Variants in CACNA1D observed in about 807,000 individuals in gnomAD.
CACNA1D encodes calcium voltage-gated channel subunit alpha1 D, also known as voltage-dependent L-type calcium channel subunit alpha-1D.
In CACNA1D, 55 loss-of-function variants were observed where a neutral mutation model predicts 257.1. The ratio of observed to expected loss-of-function variants is 0.21; its 90% CI spans 0.17 to 0.27. The LOEUF (loss-of-function observed/expected upper bound fraction) is 0.27. Ranked by LOEUF, CACNA1D falls within the 10% of genes least tolerant of loss-of-function variation. The pLI is 1.00. For missense variants in CACNA1D, 1,876 were observed against 2,784.0 expected (o/e 0.67, Z 7.34); for synonymous variants, 980 against 1,014.9 (o/e 0.97, Z 0.65).
At chr3:53,534,774 T>C (rs2092062747) in intron 3 of CACNA1D, among the ~76,000 whole-genome samples, 1 of 152,234 alleles carries the variant, frequency 6.6e-6, no homozygotes, top group African/African-American at 2.4e-5. Flanking sequence ...ATATGTAATG[T>C]GTTTATTTTA....
At chr3:53,633,633 G>A (rs2093847880) in intron 3 of CACNA1D, among the ~76,000 whole-genome samples, 1 of 152,148 alleles carries the variant, frequency 6.6e-6, no homozygotes, top group Non-Finnish European at 1.5e-5. Context: ...GCCTCCTCCT[G>A]ATTTCCTGGA....
chr3:53,677,909 G>A (rs991218981), intron 8 of CACNA1D, among the ~76,000 whole-genome samples: 2 of 152,168 alleles, frequency 1.3e-5, no homozygotes, highest in Non-Finnish European at 2.9e-5. Context: ...GTGAAATGGA[G>A]CTCATCACAG....
Position 53,732,079 on chromosome 3 carries a change from C to G in CACNA1D, c.2470C>G (p.Pro824Ala). 6.2e-7 allele frequency: 1 copy of G among 1,610,006 alleles called. No homozygotes were observed. The highest frequency in any genetic ancestry group is 8.5e-7 in the Non-Finnish European group (1 of 1,176,210). The change falls in exon 18 of 48, where the codon CCA becomes GCA. Residue 824 changes from proline to alanine, a missense_variant. By Grantham distance (27) the Pro-to-Ala change is conservative (BLOSUM62 -1). This residue lies in a region of CACNA1D where 78 missense variants were observed against 69.2 expected (regional missense o/e 1.13). Transcript: ENST00000350061. The stretch of plus-strand genomic sequence containing the variant: ...GGACCCCTATCCGCCTTGCGATGTG[C>G]CAGGTATGGTGGCGGAGGCCGGAGA... Reference protein sequence around the residue: ...DKDPYPPCDVPVGEEEEEEEE... With the variant: ...DKDPYPPCDVAVGEEEEEEEE...
At chr3:53,663,237 T>C (rs1216437374) in intron 5 of CACNA1D, among the ~76,000 whole-genome samples, 1 of 152,242 alleles carries the variant, frequency 6.6e-6, no homozygotes, top group Non-Finnish European at 1.5e-5. Flanking sequence ...TTGCTTGCTG[T>C]ATTCTGGTTT....
intron 19 of CACNA1D, among the ~76,000 whole-genome samples, chr3:53,734,846 G>C (rs2095042149): frequency 1.3e-5 from 2 of 152,166 alleles, no homozygotes; most frequent in African/African-American, 2.4e-5. Context: ...TGAAGTCTCA[G>C]TTACTGCAGG....
intron 3 of CACNA1D, among the ~76,000 whole-genome samples, chr3:53,629,989 C>A (rs1228693701): frequency 6.6e-6 from 1 of 152,158 alleles, no homozygotes; most frequent in African/African-American, 2.4e-5. Context: ...ACAAAGTAAG[C>A]CCTGATGACT....
At position 53,547,243 on chromosome 3, in the gene CACNA1D, C is replaced by G. The variant is rs79507842; in HGVS notation, c.483+45523C>G. Among the ~76,000 whole-genome samples the G allele has an allele frequency of 4.3e-3, 660 of 152,244 alleles. 3 individuals carry two copies. Among genetic ancestry groups the G allele is most frequent in the African/African-American group, 0.015 (625 of 41,532 alleles). ...GTTGTGGTCCTAAGTGCTCCCCTGCCTTTGCCTGCTTGCCCCCCATTCATT... is the reference window on the plus strand; with the variant it reads ...GTTGTGGTCCTAAGTGCTCCCCTGCGTTTGCCTGCTTGCCCCCCATTCATT... On this transcript the variant is annotated intron_variant, in intron 3 of 47. Coordinates refer to ENST00000350061, the MANE Select transcript of CACNA1D (RefSeq NM_001128840.3).
At chr3:53,767,401 C>G (rs1006173144) in intron 30 of CACNA1D, among the ~76,000 whole-genome samples, 2 of 152,034 alleles carry the variant, frequency 1.3e-5, no homozygotes, top group African/African-American at 2.4e-5. Context: ...CTCATCTCTA[C>G]TGAAAATACA....
chr3:53,498,278 G>C (rs1467781575), intron 2 of CACNA1D, among the ~76,000 whole-genome samples: 1 of 152,154 alleles, frequency 6.6e-6, no homozygotes, highest in Non-Finnish European at 1.5e-5. Flanking sequence ...ACATTTCTGG[G>C]TGTCTCCTTT....
chr3:53,718,498 T>C, intron 10 of CACNA1D, 110 bp downstream of exon 10: 2 of 1,044,240 alleles, frequency 1.9e-6, no homozygotes, highest in Non-Finnish European at 1.5e-6. Flanking sequence ...GCCTTGGGTG[T>C]GGCGGGTGGG....
At chr3:53,712,783 C>T in intron 9 of CACNA1D, among the ~76,000 whole-genome samples, 1 of 152,152 alleles carries the variant, frequency 6.6e-6, no homozygotes, top group South Asian at 2.1e-4. Context: ...AAATAAATTC[C>T]TGAGTGTGCA....
At chr3:53,668,833 A>G (rs2094294974) in intron 7 of CACNA1D, among the ~76,000 whole-genome samples, 1 of 152,104 alleles carries the variant, frequency 6.6e-6, no homozygotes, top group African/African-American at 2.4e-5. Context: ...TCATTTATGG[A>G]CCCTGGAATT....
chr3:53,774,629 A>G lies in CACNA1D; in HGVS notation c.4153A>G (p.Arg1385Gly). The G allele has an allele frequency of 1.2e-6, 2 of 1,612,916 alleles. No homozygotes were observed. The highest frequency in any genetic ancestry group is 1.7e-6 in the Non-Finnish European group (2 of 1,178,850). ...CATGAGAGATAACAACCAGATCAATAGGAACAATAACTTCCAGACGTTTCC... is the reference window on the plus strand; with the variant it reads ...CATGAGAGATAACAACCAGATCAATGGGAACAATAACTTCCAGACGTTTCC... ...VAMRDNNQIN[R>G]NNNFQTFPQA... The change falls in exon 34 of 48, where the codon AGG becomes GGG. Residue 1385 changes from arginine to glycine, a missense_variant. This residue lies in a region of CACNA1D where 204 missense variants were observed against 309.4 expected (regional missense o/e 0.66). Transcript: ENST00000350061. This position sits in a 1 kb window ranked among gnomAD's most constrained non-coding sequence, Gnocchi z 4.3.
intron 3 of CACNA1D, among the ~76,000 whole-genome samples, chr3:53,503,230 C>A (rs1158647346): frequency 6.6e-6 from 1 of 152,114 alleles, no homozygotes; most frequent in Non-Finnish European, 1.5e-5. Context: ...AAATGGGAGT[C>A]GGATAACCAC....
intron 43 of CACNA1D, among the ~76,000 whole-genome samples, chr3:53,803,095 C>T: frequency 6.6e-6 from 1 of 152,144 alleles, no homozygotes; most frequent in Non-Finnish European, 1.5e-5. Context: ...AACCCAGGGT[C>T]TTTTTCCCTA....
chr3:53,671,267 G>A lies in CACNA1D; in HGVS notation c.1117-1756G>A, dbSNP rs184357970. On this transcript the variant is annotated intron_variant, in intron 7 of 47. Transcript: ENST00000350061. The stretch of plus-strand genomic sequence containing the variant: ...TGAAGCAGATGGCTCAGCAGATGAC[G>A]GTTGCTAGGGTCATGGAAGAGTGAG... 6.5e-4 allele frequency among the ~76,000 whole-genome samples: 99 copies of A among 152,282 alleles called. 1 individual carries two copies. In the South Asian group the frequency reaches 0.018, roughly 28 times the overall value.
intron 8 of CACNA1D, among the ~76,000 whole-genome samples, chr3:53,695,896 A>G (rs376332913): frequency 6.6e-6 from 1 of 152,122 alleles, no homozygotes; most frequent in African/African-American, 2.4e-5. Context: ...GAAGCAATCC[A>G]GGTTCCTTAG....
intron 10 of CACNA1D, 163 bp downstream of exon 10, chr3:53,718,551 G>A: frequency 9.6e-7 from 1 of 1,046,390 alleles, no homozygotes; most frequent in East Asian, 2.6e-5. Flanking sequence ...CTGTGCCAGG[G>A]CTATCCCTCC....
At chr3:53,766,528 CAG>C (rs2095333386) in intron 30 of CACNA1D, among the ~76,000 whole-genome samples, 1 of 152,216 alleles carries the variant, frequency 6.6e-6, no homozygotes, top group Admixed American at 6.5e-5. Flanking sequence ...GAAATTAAAA[CAG>C]AAAATGAAAT....
Sources: gnomAD v4.1 joint callset for allele counts (sites outside exome capture counted in the v4.1 genomes callset) on GRCh38, gnomAD v4.1.1 for gene constraint, gnomAD v4.1.1 regional missense constraint, Gnocchi (gnomAD v3.1) non-coding constraint, MANE v1.5 for transcripts, NCBI Gene and HGNC (gene_info 2026-07-23, HGNC 2026-07-21) for gene names.